MTUS2: variants seen among roughly 807,000 people sequenced by gnomAD.
MTUS2 encodes the protein microtubule associated scaffold protein 2, also known as microtubule-associated tumor suppressor candidate 2.
Under a neutral mutation model 114.1 loss-of-function variants are expected in MTUS2, and 40 were observed. The ratio of observed to expected loss-of-function variants is 0.35; its 90% CI spans 0.27 to 0.46. MTUS2 has a LOEUF of 0.46. Among genes scored for constraint, MTUS2 ranks in the 20% least tolerant of loss-of-function variants. The pLI is 1.00. For synonymous variants in MTUS2, 688 were observed against 672.0 expected (o/e 1.02, Z -0.37); for missense variants, 1,679 against 1,705.4 (o/e 0.98, Z 0.27).
intron 4 of MTUS2, among the ~76,000 whole-genome samples, chr13:29,050,617 A>G (rs556417103): frequency 7.2e-5 from 11 of 152,240 alleles, no homozygotes; most frequent in African/African-American, 2.4e-4. Flanking sequence ...ACCCAGCTTC[A>G]CCACCAGTGA....
At chr13:29,055,794 T>C (rs939534717) in intron 4 of MTUS2, among the ~76,000 whole-genome samples, 40 of 152,190 alleles carry the variant, frequency 2.6e-4, no homozygotes, top group African/African-American at 9.2e-4. Flanking sequence ...CATTTTCATT[T>C]ATTTAATGAT....
chr13:28,828,780 A>G (rs1874452087), intron 1 of MTUS2, among the ~76,000 whole-genome samples: 1 of 152,170 alleles, frequency 6.6e-6, no homozygotes, highest in Non-Finnish European at 1.5e-5. Flanking sequence ...AATGCAAAAA[A>G]TCCATAATGA....
In MTUS2 at chr13:29,389,165, T is replaced by C. The variant is rs186535869; in HGVS notation, c.3117+29692T>C. ...GACAGAGAGGAGAAACCAAAGATTG[T>C]TTTGACTATATATATATCTATATAT... is the stretch of plus-strand genomic sequence containing the variant. On this transcript the variant is annotated intron_variant, in intron 8 of 15. Coordinates refer to ENST00000612955, the MANE Select transcript of MTUS2 (RefSeq NM_001033602.4). Among the ~76,000 whole-genome samples the C allele has an allele frequency of 3.3e-5, 5 of 149,746 alleles. No individual in the cohort carries two copies. The Admixed American group carries it at 3.3e-4, about 10-fold the overall frequency.
At chr13:29,152,963 ATTTTC>A (rs1566035310) in intron 5 of MTUS2, among the ~76,000 whole-genome samples, 3 of 152,004 alleles carry the variant, frequency 2.0e-5, no homozygotes, top group African/African-American at 7.2e-5. Context: ...GATTTTTTCT[ATTTTC>A]TTTTCTGGGA....
At chr13:29,212,848 T>C (rs978952303) in intron 5 of MTUS2, among the ~76,000 whole-genome samples, 2 of 152,174 alleles carry the variant, frequency 1.3e-5, no homozygotes, top group Non-Finnish European at 2.9e-5. Context: ...GGAATTTTTA[T>C]AAGGCTCCGT....
chr13:29,251,963 G>T (rs886482266), intron 5 of MTUS2, among the ~76,000 whole-genome samples: 1 of 152,116 alleles, frequency 6.6e-6, no homozygotes, highest in South Asian at 2.1e-4. Flanking sequence ...GACTGGAATT[G>T]CTGGATCACA....
At chr13:28,944,315 T>G (rs1882402545) in intron 2 of MTUS2, among the ~76,000 whole-genome samples, 1 of 152,218 alleles carries the variant, frequency 6.6e-6, no homozygotes, top group Admixed American at 6.5e-5. Flanking sequence ...ATACCAGGTC[T>G]TATTTCTTCT....
At chr13:29,080,745 GAC>G (rs1889404199) in intron 4 of MTUS2, among the ~76,000 whole-genome samples, 1 of 151,750 alleles carries the variant, frequency 6.6e-6, no homozygotes, top group African/African-American at 2.4e-5. Flanking sequence ...CTTTTTTTGA[GAC>G]AGAGTTTCAC....
chr13:28,874,166 C>T (rs1052501066), intron 2 of MTUS2, among the ~76,000 whole-genome samples: 1 of 151,970 alleles, frequency 6.6e-6, no homozygotes, highest in African/African-American at 2.4e-5. Flanking sequence ...TACAGGCACC[C>T]GCCACCATGT....
At chr13:29,265,676 T>C (rs1276771932) in intron 5 of MTUS2, among the ~76,000 whole-genome samples, 1 of 152,178 alleles carries the variant, frequency 6.6e-6, no homozygotes, top group Non-Finnish European at 1.5e-5. Flanking sequence ...CTTTCACTCA[T>C]GGCAGAAGGC....
At chr13:28,852,900 A>AATACATAC (rs11274039) in intron 2 of MTUS2, among the ~76,000 whole-genome samples, 2,283 of 148,584 alleles carry the variant, frequency 0.015, 51 homozygotes, top group African/African-American at 0.048. Context: ...CTCTGTCTTA[A>AATACATAC]ATACATACAT....
chr13:29,358,265 A>G (rs1463152893), intron 7 of MTUS2, among the ~76,000 whole-genome samples: 1 of 152,154 alleles, frequency 6.6e-6, no homozygotes, highest in Non-Finnish European at 1.5e-5. Context: ...CTGCCCATGC[A>G]CGGGTCTTGG....
In MTUS2 at chr13:29,411,414, C is replaced by G. The variant is rs539432939; in HGVS notation, c.3118-28569C>G. 2.0e-5 allele frequency among the ~76,000 whole-genome samples: 3 copies of G among 152,258 alleles called. No individual in the cohort carries two copies. In the East Asian group the frequency reaches 5.8e-4, roughly 29 times the overall value. On this transcript the variant is annotated intron_variant, in intron 8 of 15. Transcript: ENST00000612955. Reference sequence around the variant, plus strand: ...TAGGTCTATTTCTGAGCTTTCTGTTCTATTCCACCAGTCTATGGTATACAC... The same window carrying G: ...TAGGTCTATTTCTGAGCTTTCTGTTGTATTCCACCAGTCTATGGTATACAC...
At chr13:29,107,992 A>C (rs1890737206) in intron 5 of MTUS2, among the ~76,000 whole-genome samples, 1 of 152,224 alleles carries the variant, frequency 6.6e-6, no homozygotes, top group Non-Finnish European at 1.5e-5. Context: ...AATCAATGAA[A>C]ATGAGGGTTA....
intron 5 of MTUS2, among the ~76,000 whole-genome samples, chr13:29,173,977 A>G (rs1231698102): frequency 2.0e-5 from 3 of 152,056 alleles, no homozygotes; most frequent in Non-Finnish European, 4.4e-5. Context: ...GTTCTATTCT[A>G]TTCAGGAAAT....
intron 5 of MTUS2, among the ~76,000 whole-genome samples, chr13:29,133,172 C>T (rs925144281): frequency 6.6e-6 from 1 of 151,934 alleles, no homozygotes; most frequent in African/African-American, 2.4e-5. Context: ...TTTGGAGATC[C>T]GTCTCCTCCA....
At chr13:28,894,537 G>A (rs1179291120) in intron 2 of MTUS2, among the ~76,000 whole-genome samples, 3 of 152,170 alleles carry the variant, frequency 2.0e-5, no homozygotes, top group Non-Finnish European at 4.4e-5. Context: ...GAGCCAGCCA[G>A]TCTGTCCACT....
rs182541740 is a variant in MTUS2 at position 29,319,622 on chromosome 13, C to T, written c.2807-4991C>T. 9.2e-5 allele frequency among the ~76,000 whole-genome samples: 14 copies of T among 152,298 alleles called. No individual in the cohort carries two copies. In the East Asian group the frequency reaches 2.5e-3, roughly 27 times the overall value. On this transcript the variant is annotated intron_variant, in intron 6 of 15. Transcript: ENST00000612955. Reference sequence around the variant, plus strand: ...GGTGCAGAGCTCTGATCCAGCAGGCCTGTGTTGTACGCCCCCTCCAGGCCC... The same window carrying T: ...GGTGCAGAGCTCTGATCCAGCAGGCTTGTGTTGTACGCCCCCTCCAGGCCC...
intron 5 of MTUS2, among the ~76,000 whole-genome samples, chr13:29,230,014 A>C (rs1896262056): frequency 6.6e-6 from 1 of 152,218 alleles, no homozygotes. Flanking sequence ...TGGGTGGCCG[A>C]GGCAGGCGGA....
Sources: allele counts gnomAD v4.1 joint callset (sites outside exome capture counted in the v4.1 genomes callset), GRCh38; gene constraint gnomAD v4.1.1; transcripts MANE v1.5; gene names NCBI Gene and HGNC (gene_info 2026-07-23, HGNC 2026-07-21).